NOMO2: variants seen among roughly 807,000 people sequenced by gnomAD.
NOMO2 encodes the protein NODAL modulator 2.
In NOMO2, 14 loss-of-function variants were observed where a neutral mutation model predicts 67.1. The ratio of observed to expected loss-of-function variants is 0.21; its 90% CI spans 0.14 to 0.33. The LOEUF (loss-of-function observed/expected upper bound fraction) is 0.33, where lower values mean the gene tolerates loss of function less well. Among genes scored for constraint, NOMO2 ranks in the 10% least tolerant of loss-of-function variants. NOMO2 has a pLI of 1.00. For synonymous variants in NOMO2, 80 were observed against 305.9 expected (o/e 0.26, Z 7.71); for missense variants, 178 against 761.0 (o/e 0.23, Z 9.01).
chr16:18,528,914 G>C (rs1201355350), intron 15 of NOMO2, among the ~76,000 whole-genome samples: 1 of 139,424 alleles, frequency 7.2e-6, no homozygotes, highest in African/African-American at 2.6e-5. Context: ...GTTTCAGTGA[G>C]CCGAGATTGC....
chr16:18,514,302 GA>G lies in NOMO2; in HGVS notation c.3027+39del, dbSNP rs1207942859. ...CACAAGATACTTCTGGACACAGGATGAAAAAAAAGTCCCCAAAGAAAACACA... is the reference window on the plus strand; with the variant it reads ...CACAAGATACTTCTGGACACAGGATGAAAAAAAGTCCCCAAAGAAAACACA... On this transcript the variant is annotated intron_variant, in intron 25 of 30. Transcript: ENST00000622306. The G allele has an allele frequency of 3.1e-3, 24 of 7,828 alleles. 1 individual carries two copies. The highest frequency in any genetic ancestry group is 6.5e-3 in the Non-Finnish European group (22 of 3,406). The allele number at this position is 7,828 out of a possible 1,614,324, so 0.5% of individuals were successfully genotyped here. A position where few individuals can be genotyped will look rare whatever the true frequency, so the allele number is the denominator to read the frequency against.
rs1458749053 is a variant in NOMO2 at position 18,541,252 on chromosome 16, C to T, written c.963+920G>A. Among the ~76,000 whole-genome samples the T allele has an allele frequency of 9.2e-3, 772 of 83,796 alleles. 1 individual carries two copies. Among genetic ancestry groups the T allele is most frequent in the Middle Eastern group, 0.025 (4 of 158 alleles). 55.0% of individuals were successfully genotyped at this position (83,796 alleles called of 152,430 possible). ...CTGGCCTCCTTGGGATGCCCCAAAC[C>T]CTTCAGCACACTCCTGCCTCAGGAC... On this transcript the variant is annotated intron_variant, in intron 9 of 30. Coordinates refer to ENST00000622306, the MANE Select transcript of NOMO2 (RefSeq NM_173614.4).
intron 20 of NOMO2, among the ~76,000 whole-genome samples, chr16:18,520,100 C>T (rs1175020314): frequency 1.4e-4 from 1 of 7,168 alleles, no homozygotes. Context: ...CACAACTTAA[C>T]GAAGCCAGAG....
At position 18,531,613 on chromosome 16, in the gene NOMO2, G is replaced by GA; in HGVS notation, c.1396-7dup. 3 of 1,612,976 alleles carry GA rather than the reference G, an allele frequency of 1.9e-6. No individual in the cohort carries two copies. The highest frequency in any genetic ancestry group is 2.5e-6 in the Non-Finnish European group (3 of 1,179,650). On this transcript the variant is annotated splice_region_variant and splice_polypyrimidine_tract_variant and intron_variant, in intron 12 of 30. Transcript: ENST00000622306. ...TCTGCCTCAGGAACCATCACCTGCG[G>GA]AAACGTGGATGGAACGTTAGAGGCT...
chr16:18,507,419 A>G, intron 28 of NOMO2, among the ~76,000 whole-genome samples: 1 of 36,556 alleles, frequency 2.7e-5, no homozygotes, highest in Non-Finnish European at 5.2e-5. Flanking sequence ...GGCAAATCCT[A>G]AAAATACAGC....
chr16:18,542,745 T>TA lies in NOMO2; in HGVS notation c.736-15dup. 1.0e-5 allele frequency: 5 copies of TA among 497,140 alleles called. No homozygotes were observed. The highest frequency in any genetic ancestry group is 1.8e-5 in the Non-Finnish European group (5 of 283,558). 30.8% of individuals were successfully genotyped at this position (497,140 alleles called of 1,614,324 possible). A position where few individuals can be genotyped will look rare whatever the true frequency, so the allele number is the denominator to read the frequency against. On this transcript the variant is annotated splice_polypyrimidine_tract_variant and intron_variant, in intron 7 of 30. Transcript: ENST00000622306. The stretch of plus-strand genomic sequence containing the variant: ...GCCCAGGACATCCTATGCCAGGGGG[T>TA]AAAAAAGACAAGACTTCCTTTTCCA...
rs1333838099 is a variant in NOMO2 at position 18,533,058 on chromosome 16, C to G, written c.1342G>C (p.Asp448His). ...KDKSLVTVET[D>H]AHGSFCFKAK... Reference sequence around the variant, plus strand: ...TTAAAACAAAATGATCCATGAGCATCTGTCTCCACGGTGACCAAAGACTTG... The same window carrying G: ...TTAAAACAAAATGATCCATGAGCATGTGTCTCCACGGTGACCAAAGACTTG... The change falls in exon 12 of 31, where the codon GAT becomes CAT. Residue 448 changes from aspartate (D) to histidine (H), a missense_variant. Asp to His is a moderately conservative substitution (Grantham distance 81, BLOSUM62 -1). Coordinates refer to ENST00000622306, the MANE Select transcript of NOMO2 (RefSeq NM_173614.4). 2 of 1,609,880 alleles carry G rather than the reference C, an allele frequency of 1.2e-6. No homozygotes were observed. Among genetic ancestry groups the G allele is most frequent in the East Asian group, 2.2e-5 (1 of 44,704 alleles).
intron 5 of NOMO2, among the ~76,000 whole-genome samples, chr16:18,548,911 ACTAAGCCCCAGGC>A (rs1166295150): frequency 6.3e-5 from 9 of 143,404 alleles, no homozygotes; most frequent in African/African-American, 2.3e-4. Context: ...ATGAAGACCC[ACTAAGCCCCAGGC>A]CTTGAAGCAG....
At chr16:18,528,546 G>A (rs888245271) in intron 15 of NOMO2, among the ~76,000 whole-genome samples, 2 of 151,786 alleles carry the variant, frequency 1.3e-5, no homozygotes, top group African/African-American at 4.8e-5. Context: ...ATTCACGAAG[G>A]GATCTACAGA....
At chr16:18,525,870 C>G (rs1306635655) in intron 16 of NOMO2, among the ~76,000 whole-genome samples, 4 of 150,348 alleles carry the variant, frequency 2.7e-5, no homozygotes, top group African/African-American at 9.7e-5. Flanking sequence ...CTTGAAAATA[C>G]AAGGCAAAAA....
intron 11 of NOMO2, 62 bp from the exon 12 acceptor site, chr16:18,533,241 T>A (rs1323748312): frequency 2.5e-6 from 4 of 1,569,748 alleles, no homozygotes; most frequent in Non-Finnish European, 3.5e-6. Context: ...AAGGCTCTTA[T>A]CGACCAAAAA....
At chr16:18,528,354 T>C (rs1331273900) in intron 15 of NOMO2, among the ~76,000 whole-genome samples, 2 of 151,944 alleles carry the variant, frequency 1.3e-5, no homozygotes, top group Admixed American at 6.5e-5. Context: ...CTATCACTTA[T>C]TATGAACCGG....
chr16:18,544,700 A>G (rs1025220524), intron 6 of NOMO2, among the ~76,000 whole-genome samples: 4 of 152,044 alleles, frequency 2.6e-5, no homozygotes, highest in East Asian at 1.9e-4. Flanking sequence ...GGGCTGCCCA[A>G]TTGACAAATT....
At chr16:18,536,075 C>T (rs1261857876) in intron 11 of NOMO2, among the ~76,000 whole-genome samples, 6 of 152,040 alleles carry the variant, frequency 3.9e-5, no homozygotes, top group Non-Finnish European at 7.4e-5. Context: ...AGATCATAGG[C>T]GTGAGCCACC....
upstream of NOMO2, chr16:18,562,102 G>C (rs1273963728): frequency 7.3e-7 from 1 of 1,362,258 alleles, no homozygotes; most frequent in African/African-American, 1.6e-5. Context: ...CACACTGCAC[G>C]CCGCAGGCTC....
chr16:18,520,327 A>G (rs1263282087), intron 20 of NOMO2, among the ~76,000 whole-genome samples: 1 of 82,078 alleles, frequency 1.2e-5, no homozygotes, highest in African/African-American at 4.7e-5. Context: ...GATCAACTCA[A>G]TTCTAACAGC....
chr16:18,561,195 A>AAAAAAAAAAAAAAAAAAAAAAAAAAAAC, intron 1 of NOMO2, among the ~76,000 whole-genome samples: 1 of 100,376 alleles, frequency 1.0e-5, no homozygotes, highest in South Asian at 3.5e-4. Flanking sequence ...AAAAAAAAAA[A>AAAAAAAAAAAAAAAAAAAAAAAAAAAAC]AAAAAAAAAA....
chr16:18,529,935 G>A (rs901600941), intron 14 of NOMO2, among the ~76,000 whole-genome samples: 1 of 150,108 alleles, frequency 6.7e-6, no homozygotes, highest in Admixed American at 6.6e-5. Flanking sequence ...GACCAACATA[G>A]CAAAACCCCA....
At chr16:18,526,772 G>A (rs535835752) in intron 16 of NOMO2, among the ~76,000 whole-genome samples, 2 of 152,162 alleles carry the variant, frequency 1.3e-5, no homozygotes, top group African/African-American at 4.8e-5. Context: ...GGGCACAGAG[G>A]ATCTTACATT....
Sources: allele counts gnomAD v4.1 joint callset (sites outside exome capture counted in the v4.1 genomes callset), GRCh38; gene constraint gnomAD v4.1.1; transcripts MANE v1.5; gene names NCBI Gene and HGNC (gene_info 2026-07-23, HGNC 2026-07-21).